Variants in GMDS observed in about 807,000 individuals in gnomAD.
The protein encoded by GMDS is GDP-mannose 4,6-dehydratase, also known as GDP-mannose 4,6 dehydratase.
GMDS carries 20 observed loss-of-function variants against 49.9 expected under a neutral mutation model. The ratio of observed to expected loss-of-function variants is 0.40; its 90% CI spans 0.28 to 0.58. GMDS has a LOEUF of 0.58. Among genes scored for constraint, GMDS ranks in the 20% least tolerant of loss-of-function variants. The probability of loss-of-function intolerance (pLI) is 0.42; values close to 1 mark genes in which losing one functional copy is unlikely to be tolerated. For synonymous variants in GMDS, 177 were observed against 178.6 expected (o/e 0.99, Z 0.07); for missense variants, 362 against 481.4 (o/e 0.75, Z 2.32).
chr6:2,002,631 C>A lies in GMDS; in HGVS notation c.346-41665G>T, dbSNP rs777678503. Reference sequence around the variant, plus strand: ...CTTAAATATTGAAGAAGGTTCTAGGCCATACAGCTCCATTTCATAATAATT... The same window carrying A: ...CTTAAATATTGAAGAAGGTTCTAGGACATACAGCTCCATTTCATAATAATT... On this transcript the variant is annotated intron_variant, in intron 4 of 10. Coordinates refer to ENST00000380815, the MANE Select transcript of GMDS (RefSeq NM_001500.4). Among the ~76,000 whole-genome samples, 252 of 152,250 alleles carry A rather than the reference C, an allele frequency of 1.7e-3. 1 individual carries two copies. The highest frequency in any genetic ancestry group is 3.2e-3 in the Non-Finnish European group (216 of 68,014).
At chr6:1,984,730 G>T (rs146546839) in intron 4 of GMDS, among the ~76,000 whole-genome samples, 154 of 152,296 alleles carry the variant, frequency 1.0e-3, no homozygotes, top group African/African-American at 3.7e-3. Flanking sequence ...CCCTTCTAAA[G>T]TATAATGGCT....
intron 1 of GMDS, among the ~76,000 whole-genome samples, chr6:2,159,480 C>A (rs377621315): frequency 3.3e-5 from 5 of 150,482 alleles, no homozygotes; most frequent in African/African-American, 2.4e-5. Context: ...TCATGGCATA[C>A]CTTTTTCTTA....
chr6:2,039,059 C>G (rs2504726), intron 4 of GMDS, among the ~76,000 whole-genome samples: 1 of 152,180 alleles, frequency 6.6e-6, no homozygotes, highest in Non-Finnish European at 1.5e-5. Context: ...TACTATACGC[C>G]TAGGCTGTAT....
chr6:1,687,063 T>G (rs953742404), intron 9 of GMDS, among the ~76,000 whole-genome samples: 13 of 152,156 alleles, frequency 8.5e-5, no homozygotes, highest in Non-Finnish European at 1.6e-4. Context: ...AACTCCATCC[T>G]CAGTTTTAGG....
intron 4 of GMDS, among the ~76,000 whole-genome samples, chr6:2,086,042 C>G (rs142105575): frequency 6.6e-6 from 1 of 152,126 alleles, no homozygotes; most frequent in East Asian, 1.9e-4. Context: ...GAGTGTGGCA[C>G]AGGTGAGGAA....
chr6:1,683,037 G>T (rs1186206618), intron 9 of GMDS, among the ~76,000 whole-genome samples: 1 of 146,920 alleles, frequency 6.8e-6, no homozygotes, highest in African/African-American at 2.5e-5. Context: ...GTGAGCACGT[G>T]GGAGTCTCAC....
At chr6:1,879,039 A>G (rs1294845265) in intron 7 of GMDS, among the ~76,000 whole-genome samples, 1 of 152,164 alleles carries the variant, frequency 6.6e-6, no homozygotes, top group Non-Finnish European at 1.5e-5. Context: ...AGAGTGAAAA[A>G]ACAGTTTCAC....
chr6:1,964,086 C>A (rs1764123400), intron 4 of GMDS, among the ~76,000 whole-genome samples: 1 of 152,180 alleles, frequency 6.6e-6, no homozygotes, highest in Non-Finnish European at 1.5e-5. Context: ...AACACATACG[C>A]ACACACAGAC....
intron 7 of GMDS, among the ~76,000 whole-genome samples, chr6:1,898,358 C>A (rs1475197813): frequency 6.6e-6 from 1 of 152,198 alleles, no homozygotes; most frequent in Non-Finnish European, 1.5e-5. Flanking sequence ...TTAGAAACTG[C>A]CTAGTTGAGT....
At chr6:1,781,591 A>C (rs1769087166) in intron 7 of GMDS, among the ~76,000 whole-genome samples, 1 of 151,436 alleles carries the variant, frequency 6.6e-6, no homozygotes, top group Non-Finnish European at 1.5e-5. Context: ...CCTCACACCC[A>C]GGTGAGGCCA....
intron 4 of GMDS, among the ~76,000 whole-genome samples, chr6:2,069,177 T>A (rs1771820746): frequency 6.6e-6 from 1 of 152,214 alleles, no homozygotes; most frequent in Non-Finnish European, 1.5e-5. Context: ...AAGGATTCCC[T>A]ATTTAATAAA....
intron 1 of GMDS, among the ~76,000 whole-genome samples, chr6:2,200,250 T>C (rs1187475697): frequency 6.6e-6 from 1 of 151,306 alleles, no homozygotes; most frequent in African/African-American, 2.4e-5. Flanking sequence ...AACACAGCAG[T>C]GTAAGAGAGT....
chr6:1,906,920 G>A (rs993726990), intron 7 of GMDS, among the ~76,000 whole-genome samples: 2 of 152,150 alleles, frequency 1.3e-5, no homozygotes, highest in African/African-American at 2.4e-5. Flanking sequence ...AGAACCCACC[G>A]TAGGGGCTCC....
chr6:1,729,693 G>T (rs1488821610), intron 8 of GMDS, among the ~76,000 whole-genome samples: 1 of 152,236 alleles, frequency 6.6e-6, no homozygotes, highest in Non-Finnish European at 1.5e-5. Flanking sequence ...AGTGACGGTG[G>T]CTTGACAGAG....
chr6:2,078,346 C>T (rs1005149223), intron 4 of GMDS, among the ~76,000 whole-genome samples: 2 of 151,856 alleles, frequency 1.3e-5, no homozygotes, highest in African/African-American at 4.8e-5. Flanking sequence ...TTTCTAGTTT[C>T]TTGAGGTGCA....
At chr6:1,732,384 T>C (rs1246741845) in intron 8 of GMDS, among the ~76,000 whole-genome samples, 1 of 152,138 alleles carries the variant, frequency 6.6e-6, no homozygotes, top group East Asian at 1.9e-4. Flanking sequence ...CTGGAATGCA[T>C]AGCATTCGTC....
At chr6:2,203,961 T>G (rs1387097734) in intron 1 of GMDS, among the ~76,000 whole-genome samples, 2 of 152,254 alleles carry the variant, frequency 1.3e-5, no homozygotes, top group African/African-American at 4.8e-5. Flanking sequence ...AGGGTGTGAT[T>G]TCCCTTGAAG....
chr6:2,176,995 G>C (rs2127558869), intron 1 of GMDS, among the ~76,000 whole-genome samples: 1 of 152,288 alleles, frequency 6.6e-6, no homozygotes, highest in East Asian at 1.9e-4. Context: ...AAAATTTGTA[G>C]GCAGATGGGG....
chr6:1,867,220 G>A (rs1047044646), intron 7 of GMDS, among the ~76,000 whole-genome samples: 1 of 152,142 alleles, frequency 6.6e-6, no homozygotes, highest in Non-Finnish European at 1.5e-5. Flanking sequence ...TTCACATACT[G>A]CATATTCTTA....
Sources: gnomAD v4.1 joint callset for allele counts (sites outside exome capture counted in the v4.1 genomes callset) on GRCh38, gnomAD v4.1.1 for gene constraint, MANE v1.5 for transcripts, NCBI Gene and HGNC (gene_info 2026-07-23, HGNC 2026-07-21) for gene names.